The following NPR3 variants were observed in gnomAD, a reference collection of about 807,000 sequenced individuals.
NPR3 encodes natriuretic peptide receptor 3, also known as atrial natriuretic peptide receptor 3.
In NPR3, 34 loss-of-function variants were observed where a neutral mutation model predicts 54.5. That is an observed-to-expected ratio of 0.62 (90% CI 0.47 to 0.83). NPR3 has a LOEUF of 0.83. Among genes scored for constraint, NPR3 ranks in the 40% least tolerant of loss-of-function variants. The pLI is 0.00. For missense variants in NPR3, 674 were observed against 720.8 expected (o/e 0.94, Z 0.74); for synonymous variants, 289 against 297.1 (o/e 0.97, Z 0.28).
chr5:32,697,452 T>C (rs2111811288), intron 1 of NPR3, among the ~76,000 whole-genome samples: 1 of 151,928 alleles, frequency 6.6e-6, no homozygotes, highest in South Asian at 2.1e-4. Context: ...TTTCTTTTTT[T>C]TTTTTGATAT....
chr5:32,751,629 CA>C (rs1337267877), intron 3 of NPR3, among the ~76,000 whole-genome samples: 3 of 152,010 alleles, frequency 2.0e-5, no homozygotes, highest in Non-Finnish European at 2.9e-5. Context: ...ACTAATTAAA[CA>C]AATACCCCAG....
intron 3 of NPR3, among the ~76,000 whole-genome samples, chr5:32,764,607 G>A (rs1011822681): frequency 4.0e-5 from 6 of 151,624 alleles, no homozygotes; most frequent in Admixed American, 2.0e-4. Context: ...GGCCAACATC[G>A]TGAAACCCTG....
rs181982080 is a variant in NPR3, at chr5:32,779,118, G to A, written c.1196-1604G>A. ...ATGGGCCTTCAAACCACAACCCAAA[G>A]GACAGTAAACCCACATACATGCCCT... is the stretch of plus-strand genomic sequence containing the variant. On this transcript the variant is annotated intron_variant, in intron 4 of 7. Transcript: ENST00000265074. 1.8e-4 allele frequency among the ~76,000 whole-genome samples: 27 copies of A among 152,254 alleles called. No homozygotes were observed. The East Asian group carries it at 3.9e-3, about 22-fold the overall frequency.
intron 3 of NPR3, among the ~76,000 whole-genome samples, chr5:32,756,568 A>T (rs1425440896): frequency 6.6e-6 from 1 of 152,064 alleles, no homozygotes; most frequent in Admixed American, 6.6e-5. Flanking sequence ...GTTTACTCTG[A>T]CGGTAGTTTC....
At chr5:32,764,903 CAT>C (rs1472302207) in intron 3 of NPR3, among the ~76,000 whole-genome samples, 2 of 144,684 alleles carry the variant, frequency 1.4e-5, no homozygotes, top group African/African-American at 2.6e-5. Context: ...CTTTTTAAAA[CAT>C]AACAATAATT....
At chr5:32,707,115 G>A (rs1738017745), upstream of NPR3, among the ~76,000 whole-genome samples, 3 of 151,818 alleles carry the variant, frequency 2.0e-5, no homozygotes, top group East Asian at 1.9e-4. Flanking sequence ...CTAGCTATAC[G>A]TTTTTCAGAA....
intron 3 of NPR3, among the ~76,000 whole-genome samples, chr5:32,748,817 T>G (rs571643085): frequency 7.9e-5 from 12 of 152,382 alleles, no homozygotes; most frequent in African/African-American, 2.6e-4. Context: ...ATCCTTGTTA[T>G]GAGCACTTTT....
intron 3 of NPR3, among the ~76,000 whole-genome samples, chr5:32,743,987 ATTTTTT>A (rs199604802): frequency 0.2 from 23,047 of 114,016 alleles, 1,899 homozygotes; most frequent in South Asian, 0.33. Context: ...ATTCTGATGC[ATTTTTT>A]TTTTTTTTTT....
In NPR3 at chr5:32,783,028, T is replaced by C. The variant is rs780219846; in HGVS notation, c.1426T>C (p.Ser476Pro). The stretch of plus-strand genomic sequence containing the variant: ...TACAAACAGCTCTCCCTGCAAATCA[T>C]GTAAGTCTGGAGACTTAATTTGCTA... ...EHTNSSPCKS[S>P]GGLEESAVTG... Residue 476 changes from serine (S) to proline (P), a missense_variant and splice_region_variant, in exon 6 of 8, where the codon TCA becomes CCA. By Grantham distance (74) the Ser-to-Pro change is moderately conservative. Coordinates refer to ENST00000265074, the MANE Select transcript of NPR3 (RefSeq NM_001204375.2). 12 of 1,597,474 alleles carry C rather than the reference T, an allele frequency of 7.5e-6. No individual in the cohort carries two copies. Among genetic ancestry groups the C allele is most frequent in the Non-Finnish European group, 1.0e-5 (12 of 1,170,890 alleles).
chr5:32,759,598 A>G (rs549203629), intron 3 of NPR3, among the ~76,000 whole-genome samples: 49 of 152,302 alleles, frequency 3.2e-4, no homozygotes, highest in African/African-American at 1.2e-3. Context: ...TATTCAGCCC[A>G]TTTACATTTA....
chr5:32,738,809 T>C, intron 2 of NPR3, 55 bp from the exon 3 acceptor site: 1 of 1,518,362 alleles, frequency 6.6e-7, no homozygotes, highest in East Asian at 2.3e-5. Context: ...GAAGGGAGAA[T>C]GGCCTCTTTA....
intron 1 of NPR3, among the ~76,000 whole-genome samples, chr5:32,718,602 T>C (rs1738679057): frequency 6.6e-6 from 1 of 152,194 alleles, no homozygotes; most frequent in Non-Finnish European, 1.5e-5. Flanking sequence ...TTTATTCTCT[T>C]TGTAGAAATT....
chr5:32,701,112 CATT>C (rs2111817149), intron 1 of NPR3, among the ~76,000 whole-genome samples: 2 of 152,300 alleles, frequency 1.3e-5, no homozygotes, highest in South Asian at 4.1e-4. Context: ...GATGGTATCT[CATT>C]GTATTTTTGA....
intron 3 of NPR3, among the ~76,000 whole-genome samples, chr5:32,742,317 C>T (rs1740078484): frequency 1.3e-5 from 2 of 151,986 alleles, no homozygotes; most frequent in South Asian, 2.1e-4. Context: ...TTTAAGTATG[C>T]TTAATTGAAA....
intron 7 of NPR3, 69 bp downstream of exon 7, chr5:32,784,952 C>A: frequency 1.6e-6 from 2 of 1,254,290 alleles, no homozygotes; most frequent in East Asian, 2.3e-5. Flanking sequence ...TTACATGATT[C>A]TCTTTGTGAT....
chr5:32,749,846 G>A (rs970280723), intron 3 of NPR3, among the ~76,000 whole-genome samples: 4 of 152,094 alleles, frequency 2.6e-5, no homozygotes, highest in Non-Finnish European at 5.9e-5. Flanking sequence ...TGGATGGGAC[G>A]GGCACTTTCT....
chr5:32,717,429 C>G (rs1024572914), intron 1 of NPR3, among the ~76,000 whole-genome samples: 1 of 152,222 alleles, frequency 6.6e-6, no homozygotes, highest in Non-Finnish European at 1.5e-5. Flanking sequence ...AATTGCCACA[C>G]TGTCTTCCAC....
At chr5:32,739,189 T>C (rs573467049) in intron 3 of NPR3, among the ~76,000 whole-genome samples, 159 bp downstream of exon 3, 2 of 150,604 alleles carry the variant, frequency 1.3e-5, no homozygotes, top group South Asian at 4.2e-4. Flanking sequence ...GTGTGTTTTT[T>C]TTTTTTCCTT....
rs1361085409 is a variant in NPR3, at chr5:32,789,776, C to T, written c.*3431C>T. The stretch of plus-strand genomic sequence containing the variant: ...TGAAGGCCATTGCATAGATCTCATG[C>T]AGATAGTGATGGATTCAGAAAGTAG... On this transcript the variant is annotated 3_prime_UTR_variant, in exon 8 of 8. Transcript: ENST00000265074. The T allele has an allele frequency of 1.9e-6, 1 of 524,944 alleles. No individual in the cohort carries two copies. The highest frequency in any genetic ancestry group is 1.4e-5 in the South Asian group (1 of 70,196). The allele number at this position is 524,944 out of a possible 1,614,324, so 32.5% of individuals were successfully genotyped here.
Sources: gnomAD v4.1 joint callset for allele counts (sites outside exome capture counted in the v4.1 genomes callset) on GRCh38, gnomAD v4.1.1 for gene constraint, MANE v1.5 for transcripts, NCBI Gene and HGNC (gene_info 2026-07-23, HGNC 2026-07-21) for gene names.